The following ZNF107 variants were observed in gnomAD, a reference collection of about 807,000 sequenced individuals.
ZNF107 encodes the protein zinc finger protein 107.
Under a neutral mutation model 12.3 loss-of-function variants are expected in ZNF107, and 19 were observed. The ratio of observed to expected loss-of-function variants is 1.55; its 90% CI spans 1.08 to 2.27. The LOEUF is 2.27. Among genes scored for constraint, ZNF107 ranks in the 30% most tolerant of loss-of-function variants. The pLI is 0.00. For synonymous variants in ZNF107, 317 were observed against 330.5 expected (o/e 0.96, Z 0.44); for missense variants, 958 against 979.9 (o/e 0.98, Z 0.30).
chr7:64,668,260 C>T (rs2128954838), intron 1 of ZNF107, among the ~76,000 whole-genome samples: 1 of 151,130 alleles, frequency 6.6e-6, no homozygotes, highest in East Asian at 2.0e-4. Context: ...CACCCAGTAA[C>T]TCGTCATTTA....
Position 64,709,173 on chromosome 7 carries a change from C to A in ZNF107, c.*517C>A. The A allele has an allele frequency of 2.3e-6, 1 of 429,330 alleles. No homozygotes were observed. Among genetic ancestry groups the A allele is most frequent in the Non-Finnish European group, 4.7e-6 (1 of 214,548 alleles). 26.6% of individuals were successfully genotyped at this position (429,330 alleles called of 1,614,324 possible). On this transcript the variant is annotated 3_prime_UTR_variant, in exon 4 of 4. Coordinates refer to ENST00000620827, the MANE Select transcript of ZNF107 (RefSeq NM_001282359.2). ...GCTTTTAACCTTCCTTAACCCTTAA[C>A]TGTAGATAAGAAAATTCATACTGGA...
At chr7:64,671,175 A>G (rs893615685) in intron 1 of ZNF107, among the ~76,000 whole-genome samples, 1 of 152,090 alleles carries the variant, frequency 6.6e-6, no homozygotes, top group African/African-American at 2.4e-5. Context: ...CACACTGCCC[A>G]TTGTCCTGTG....
At position 64,711,012 on chromosome 7, in the gene ZNF107, C is replaced by T. The variant is rs1260974883; in HGVS notation, c.*2356C>T. 2.0e-5 allele frequency: 3 copies of T among 152,052 alleles called. No homozygotes were observed. The highest frequency in any genetic ancestry group is 7.2e-5 in the African/African-American group (3 of 41,424). 9.4% of individuals were successfully genotyped at this position (152,052 alleles called of 1,614,324 possible). A position where few individuals can be genotyped will look rare whatever the true frequency, so the allele number is the denominator to read the frequency against. On this transcript the variant is annotated 3_prime_UTR_variant, in exon 4 of 4. Coordinates refer to ENST00000620827, the MANE Select transcript of ZNF107 (RefSeq NM_001282359.2). ...ATTTGTACTTTTATGTAATAAAATGCAATGTGTTTAAAAATTTTTGGATTA... is the reference window on the plus strand; with the variant it reads ...ATTTGTACTTTTATGTAATAAAATGTAATGTGTTTAAAAATTTTTGGATTA...
intron 1 of ZNF107, among the ~76,000 whole-genome samples, chr7:64,680,944 G>C (rs867771770): frequency 1.3e-5 from 2 of 152,164 alleles, no homozygotes; most frequent in Non-Finnish European, 2.9e-5. Flanking sequence ...AGCCCCTCCA[G>C]GGCCATGCTT....
Position 64,672,060 on chromosome 7 carries a change from A to ACAGGAGTGAGCCAC in ZNF107, c.3+5777_3+5790dup, listed in dbSNP as rs1178577362. ...CTCGGCCTCCCAAAGTGCTGGGATT[A>ACAGGAGTGAGCCAC]CAGGAGTGAGCCACCGCGCCCGGCT... On this transcript the variant is annotated intron_variant, in intron 1 of 3. Coordinates refer to ENST00000620827, the MANE Select transcript of ZNF107 (RefSeq NM_001282359.2). 5.9e-5 allele frequency among the ~76,000 whole-genome samples: 9 copies of ACAGGAGTGAGCCAC among 152,210 alleles called. No individual in the cohort carries two copies. The East Asian group carries it at 1.7e-3, about 29-fold the overall frequency.
chr7:64,676,348 T>C (rs376815620), intron 1 of ZNF107, among the ~76,000 whole-genome samples: 2 of 152,224 alleles, frequency 1.3e-5, no homozygotes, highest in African/African-American at 4.8e-5. Context: ...ATGTATATTA[T>C]GTAGTTTGTA....
intron 3 of ZNF107, among the ~76,000 whole-genome samples, chr7:64,694,743 C>T (rs1463203920): frequency 1.3e-5 from 2 of 151,750 alleles, no homozygotes; most frequent in Non-Finnish European, 2.9e-5. Context: ...AAGTAGGGCA[C>T]CTTTTATTTT....
chr7:64,709,036 A>G lies in ZNF107; in HGVS notation c.*380A>G, dbSNP rs1382551993. The G allele has an allele frequency of 3.8e-5, 17 of 452,292 alleles. No individual in the cohort carries two copies. Among genetic ancestry groups the G allele is most frequent in the South Asian group, 1.8e-4 (10 of 55,000 alleles). The allele number at this position is 452,292 out of a possible 1,614,324, so 28.0% of individuals were successfully genotyped here. A position where few individuals can be genotyped will look rare whatever the true frequency, so the allele number is the denominator to read the frequency against. On this transcript the variant is annotated 3_prime_UTR_variant, in exon 4 of 4. Coordinates refer to ENST00000620827, the MANE Select transcript of ZNF107 (RefSeq NM_001282359.2). ...ACACATAAGATAATTTATACTGGAG[A>G]GGAACTCTATAGTTGTGAAGAATGT... is the stretch of plus-strand genomic sequence containing the variant.
rs200723270 is a variant in ZNF107, at chr7:64,706,639, C to G, written c.542C>G (p.Ser181Ter). 16 of 1,613,356 alleles carry G rather than the reference C, an allele frequency of 9.9e-6. No individual in the cohort carries two copies. The highest frequency in any genetic ancestry group is 1.3e-5 in the African/African-American group (1 of 75,028). The change falls in exon 4 of 4, where the codon TCA becomes TGA. Residue 181 changes from serine (S) to a stop codon, truncating the protein, a stop_gained. Coordinates refer to ENST00000620827, the MANE Select transcript of ZNF107 (RefSeq NM_001282359.2). LOFTEE classifies it low-confidence loss of function (END_TRUNC). The part of the protein sequence containing the change: ...KHFKCKECSK[S>*]FCVLSQLTQH... ...TTCAAATGTAAAGAATGTAGCAAAT[C>G]ATTTTGCGTGCTTTCACAACTAACT... is the stretch of plus-strand genomic sequence containing the variant.
chr7:64,692,042 G>A, intron 3 of ZNF107, 82 bp downstream of exon 3: 1 of 969,316 alleles, frequency 1.0e-6, no homozygotes, highest in Non-Finnish European at 1.4e-6. Context: ...CTTAAAATAT[G>A]ATTTGGGAAG....
Position 64,709,719 on chromosome 7 carries a change from A to G in ZNF107, c.*1063A>G, listed in dbSNP as rs760248639. 3 of 455,968 alleles carry G rather than the reference A, an allele frequency of 6.6e-6. No homozygotes were observed. The highest frequency in any genetic ancestry group is 1.3e-5 in the Non-Finnish European group (3 of 226,760). 28.2% of individuals were successfully genotyped at this position (455,968 alleles called of 1,614,324 possible). A position where few individuals can be genotyped will look rare whatever the true frequency, so the allele number is the denominator to read the frequency against. ...TGTACAAATACAAGGAATGTGGAAA[A>G]GCCATTATTATCTGCTCAGATTTTA... is the stretch of plus-strand genomic sequence containing the variant. On this transcript the variant is annotated 3_prime_UTR_variant, in exon 4 of 4. Transcript: ENST00000620827.
At chr7:64,688,171 G>C (rs1789990074) in intron 1 of ZNF107, among the ~76,000 whole-genome samples, 1 of 151,794 alleles carries the variant, frequency 6.6e-6, no homozygotes, top group South Asian at 2.1e-4. Context: ...ACCAGAAACT[G>C]CTTCAGAGAT....
chr7:64,670,763 C>T (rs1164215598), intron 1 of ZNF107, among the ~76,000 whole-genome samples: 4 of 152,160 alleles, frequency 2.6e-5, no homozygotes, highest in Admixed American at 2.6e-4. Flanking sequence ...ACATTTTTTC[C>T]ATTTGAATTT....
At position 64,709,784 on chromosome 7, in the gene ZNF107, A is replaced by C. The variant is rs1790823717; in HGVS notation, c.*1128A>C. On this transcript the variant is annotated 3_prime_UTR_variant, in exon 4 of 4. Coordinates refer to ENST00000620827, the MANE Select transcript of ZNF107 (RefSeq NM_001282359.2). The stretch of plus-strand genomic sequence containing the variant: ...GTTAGTACGTAATAAAAGCATTATA[A>C]ATGCAATTTTTGTCAAGAGATCTTT... 2 of 449,056 alleles carry C rather than the reference A, an allele frequency of 4.5e-6. No homozygotes were observed. Among genetic ancestry groups the C allele is most frequent in the Non-Finnish European group, 8.9e-6 (2 of 225,312 alleles). The allele number at this position is 449,056 out of a possible 1,614,324, so 27.8% of individuals were successfully genotyped here. A position where few individuals can be genotyped will look rare whatever the true frequency, so the allele number is the denominator to read the frequency against.
chr7:64,669,451 T>C (rs878863536), intron 1 of ZNF107, among the ~76,000 whole-genome samples: 1 of 152,172 alleles, frequency 6.6e-6, no homozygotes, highest in Admixed American at 6.5e-5. Flanking sequence ...CTGAAAGAAA[T>C]AAATACTTTG....
Position 64,709,489 on chromosome 7 carries a change from A to G in ZNF107, c.*833A>G. ...ATGATGTGACAATAATTTTGACAAC[A>G]CCTCGAACTTTCTAACATAAATCAT... On this transcript the variant is annotated 3_prime_UTR_variant, in exon 4 of 4. Coordinates refer to ENST00000620827, the MANE Select transcript of ZNF107 (RefSeq NM_001282359.2). The G allele has an allele frequency of 2.9e-6, 1 of 346,028 alleles. No homozygotes were observed. The highest frequency in any genetic ancestry group is 5.5e-6 in the Non-Finnish European group (1 of 180,486). The allele number at this position is 346,028 out of a possible 1,614,324, so 21.4% of individuals were successfully genotyped here.
chr7:64,678,861 C>T (rs943446441), intron 1 of ZNF107: 2 of 151,954 alleles, frequency 1.3e-5, no homozygotes, highest in Non-Finnish European at 2.9e-5. Flanking sequence ...GTGATGTGGC[C>T]ACTCAAAAAC....
At position 64,682,946 on chromosome 7, in the gene ZNF107, C is replaced by T. The variant is rs187955106; in HGVS notation, c.4-8302C>T. On this transcript the variant is annotated intron_variant, in intron 1 of 3. Coordinates refer to ENST00000620827, the MANE Select transcript of ZNF107 (RefSeq NM_001282359.2). ...CCTTAATACACATGGCATCCTCCCC[C>T]TCTCCTCACATTTCTGTTTTTCCAG... 1.8e-4 allele frequency among the ~76,000 whole-genome samples: 28 copies of T among 152,320 alleles called. 1 individual carries two copies. In the East Asian group the frequency reaches 5.0e-3, roughly 27 times the overall value.
At chr7:64,700,249 T>G (rs1790429577) in intron 3 of ZNF107, among the ~76,000 whole-genome samples, 1 of 152,036 alleles carries the variant, frequency 6.6e-6, no homozygotes, top group Admixed American at 6.6e-5. Context: ...GGGGCCAACT[T>G]CCTCGTGAAT....
Sources: gnomAD v4.1 joint callset for allele counts (sites outside exome capture counted in the v4.1 genomes callset) on GRCh38, gnomAD v4.1.1 for gene constraint, MANE v1.5 for transcripts, NCBI Gene and HGNC (gene_info 2026-07-23, HGNC 2026-07-21) for gene names.